Variants in TRPM3 observed in about 807,000 individuals in gnomAD.
TRPM3 encodes long transient receptor potential channel 3.
A neutral mutation model predicts 181.2 loss-of-function variants in TRPM3; 77 were observed. The observed-to-expected ratio is 0.42, with a 90% CI of 0.35 to 0.51. The LOEUF is 0.51. Ranked by LOEUF, TRPM3 falls within the 20% of genes least tolerant of loss-of-function variation. TRPM3 has a pLI of 0.01. For missense variants in TRPM3, 1,759 were observed against 2,196.7 expected (o/e 0.80, Z 3.98); for synonymous variants, 745 against 796.4 (o/e 0.94, Z 1.09).
chr9:70,648,356 G>T (rs1369577658), intron 9 of TRPM3, among the ~76,000 whole-genome samples: 2 of 152,056 alleles, frequency 1.3e-5, no homozygotes, highest in Non-Finnish European at 2.9e-5. Context: ...TGTACTTGTG[G>T]TCCCAGCCAC....
At chr9:71,309,051 G>A (rs926780754) in intron 1 of TRPM3, among the ~76,000 whole-genome samples, 9 of 152,136 alleles carry the variant, frequency 5.9e-5, no homozygotes, top group African/African-American at 1.2e-4. Flanking sequence ...CTAAAGCATC[G>A]CAGGAGTGGC....
chr9:71,171,734 C>T lies in TRPM3; in HGVS notation c.183+274919G>A, dbSNP rs552605077. 2.5e-3 allele frequency among the ~76,000 whole-genome samples: 380 copies of T among 152,292 alleles called. 2 individuals carry two copies. The highest frequency in any genetic ancestry group is 0.02 in the Middle Eastern group (6 of 294). On this transcript the variant is annotated intron_variant, in intron 1 of 24. Transcript: ENST00000357533. ...TACCCAAGGCTGCTATACACCATTA[C>T]TCAGGCTGTGAACTGCATAAAACCA... is the stretch of plus-strand genomic sequence containing the variant.
chr9:70,886,626 T>G (rs984577086), intron 1 of TRPM3, among the ~76,000 whole-genome samples: 45 of 152,056 alleles, frequency 3.0e-4, no homozygotes, highest in African/African-American at 1.1e-3. Flanking sequence ...CCTCTGTGAG[T>G]GTCTCTTTTT....
intron 1 of TRPM3, among the ~76,000 whole-genome samples, chr9:71,206,650 A>G (rs973596279): frequency 6.6e-6 from 1 of 152,164 alleles, no homozygotes; most frequent in Non-Finnish European, 1.5e-5. Context: ...TTATTCATGA[A>G]GACTTTGCTC....
chr9:70,864,518 AAG>A lies in TRPM3; in HGVS notation c.178-9_178-8del. ...CTATCCAGGATTTCTGAGCCTGAAAAAGAAAACAAAAAAAAAAAAAAAAGAAA... is the reference window on the plus strand; with the variant it reads ...CTATCCAGGATTTCTGAGCCTGAAAAAAAACAAAAAAAAAAAAAAAAGAAA... On this transcript the variant is annotated splice_region_variant and splice_polypyrimidine_tract_variant and intron_variant, in intron 1 of 25. Transcript: ENST00000677713. 6.8e-7 allele frequency: 1 copy of A among 1,463,078 alleles called. No homozygotes were observed. Among genetic ancestry groups the A allele is most frequent in the Non-Finnish European group, 9.0e-7 (1 of 1,114,776 alleles). 90.6% of individuals were successfully genotyped at this position (1,463,078 alleles called of 1,614,324 possible).
At chr9:71,271,064 C>T (rs2083751522) in intron 1 of TRPM3, among the ~76,000 whole-genome samples, 1 of 152,106 alleles carries the variant, frequency 6.6e-6, no homozygotes, top group Non-Finnish European at 1.5e-5. Flanking sequence ...TTCTGTCTGA[C>T]AAAAACCACG....
chr9:70,933,774 C>A lies in TRPM3; in HGVS notation c.178-69263G>T, dbSNP rs985353462. Reference sequence around the variant, plus strand: ...ATACTTAGATATTGAAGGGAAGAACCCTGGTTGGGAAAGACAAGTTGAATC... The same window carrying A: ...ATACTTAGATATTGAAGGGAAGAACACTGGTTGGGAAAGACAAGTTGAATC... On this transcript the variant is annotated intron_variant, in intron 1 of 25. Transcript: ENST00000677713. 4.0e-5 allele frequency among the ~76,000 whole-genome samples: 6 copies of A among 150,508 alleles called. No homozygotes were observed. In the South Asian group the frequency reaches 1.1e-3, roughly 26 times the overall value.
chr9:70,761,577 G>A (rs1201463305), intron 8 of TRPM3, 24 bp downstream of exon 8: 1 of 1,613,878 alleles, frequency 6.2e-7, no homozygotes, highest in Admixed American at 1.7e-5. Context: ...GGAGACAGCT[G>A]GCCACCCATG....
At chr9:71,097,709 T>C (rs768505394) in intron 1 of TRPM3, among the ~76,000 whole-genome samples, 17 of 152,044 alleles carry the variant, frequency 1.1e-4, no homozygotes, top group Non-Finnish European at 2.2e-4. Context: ...TGCTCAACAG[T>C]GCCATACAGA....
At chr9:70,831,640 C>A (rs950129798) in intron 5 of TRPM3, among the ~76,000 whole-genome samples, 5 of 151,644 alleles carry the variant, frequency 3.3e-5, no homozygotes, top group Admixed American at 6.6e-5. Context: ...TCCTGTGTTG[C>A]AGTTCAGATA....
intron 1 of TRPM3, among the ~76,000 whole-genome samples, chr9:71,018,124 A>T (rs894486305): frequency 6.6e-6 from 1 of 151,866 alleles, no homozygotes; most frequent in African/African-American, 2.4e-5. Context: ...GTGTTTCAGA[A>T]TGAATTGTAA....
intron 1 of TRPM3, among the ~76,000 whole-genome samples, chr9:70,953,207 T>C (rs1287122009): frequency 6.6e-6 from 1 of 152,204 alleles, no homozygotes; most frequent in Non-Finnish European, 1.5e-5. Context: ...AAATGTTTAA[T>C]GTAGTGGCTG....
At chr9:70,887,477 A>T (rs2096109951) in intron 1 of TRPM3, among the ~76,000 whole-genome samples, 1 of 152,210 alleles carries the variant, frequency 6.6e-6, no homozygotes, top group Non-Finnish European at 1.5e-5. Context: ...TGGAAAGAAC[A>T]TGTGATACAA....
At chr9:71,186,372 T>C (rs1298285519) in intron 1 of TRPM3, among the ~76,000 whole-genome samples, 2 of 152,068 alleles carry the variant, frequency 1.3e-5, no homozygotes, top group African/African-American at 2.4e-5. Flanking sequence ...CTGCCAACTA[T>C]AAAATTTGAA....
At chr9:70,657,076 A>C (rs1431081384) in intron 9 of TRPM3, among the ~76,000 whole-genome samples, 1 of 151,906 alleles carries the variant, frequency 6.6e-6, no homozygotes, top group African/African-American at 2.4e-5. Context: ...TATCATGAAC[A>C]ATCTGTATAA....
chr9:70,877,268 A>T (rs2095884180), intron 1 of TRPM3, among the ~76,000 whole-genome samples: 1 of 151,842 alleles, frequency 6.6e-6, no homozygotes, highest in Non-Finnish European at 1.5e-5. Context: ...TGCCAAGTCG[A>T]CTCAGCTCAC....
At chr9:71,121,676 G>C, upstream of TRPM3, 8 of 1,098,588 alleles carry the variant, frequency 7.3e-6, no homozygotes, top group Non-Finnish European at 8.9e-6. Context: ...CGTTGGGGGG[G>C]AACCGGGGCC....
At chr9:71,187,941 AGATAGATAG>A (rs2077780915) in intron 1 of TRPM3, among the ~76,000 whole-genome samples, 22 of 79,256 alleles carry the variant, frequency 2.8e-4, no homozygotes, top group African/African-American at 6.6e-4. Context: ...ATAGATAGAT[AGATAGATAG>A]ATCATCGCAT....
intron 1 of TRPM3, among the ~76,000 whole-genome samples, chr9:71,089,532 T>G (rs2065858781): frequency 6.6e-6 from 1 of 151,944 alleles, no homozygotes. Flanking sequence ...TGATTTAGAA[T>G]TTTTTGTCAG....
Sources: gnomAD v4.1 joint callset for allele counts (sites outside exome capture counted in the v4.1 genomes callset) on GRCh38, gnomAD v4.1.1 for gene constraint, MANE v1.5 for transcripts, NCBI Gene and HGNC (gene_info 2026-07-23, HGNC 2026-07-21) for gene names.